The following USP15 variants were observed in gnomAD, a reference collection of about 807,000 sequenced individuals.
USP15 encodes ubiquitin carboxyl-terminal hydrolase 15.
A neutral mutation model predicts 127.1 loss-of-function variants in USP15; 18 were observed. That is an observed-to-expected ratio of 0.14 (90% CI 0.10 to 0.21). USP15 has a LOEUF of 0.21. Ranked by LOEUF, USP15 falls within the 10% of genes least tolerant of loss-of-function variation. USP15 has a pLI of 1.00. For missense variants in USP15, 805 were observed against 1,159.9 expected (o/e 0.69, Z 4.44); for synonymous variants, 364 against 393.7 (o/e 0.92, Z 0.89).
chr12:62,284,574 ATG>A (rs1565817081), intron 1 of USP15, among the ~76,000 whole-genome samples: 1 of 152,166 alleles, frequency 6.6e-6, no homozygotes, highest in Non-Finnish European at 1.5e-5. Flanking sequence ...AGTGCTATAT[ATG>A]GTAAGCATAG....
intron 8 of USP15, among the ~76,000 whole-genome samples, chr12:62,363,564 T>C (rs2137486543): frequency 6.6e-6 from 1 of 152,246 alleles, no homozygotes; most frequent in Non-Finnish European, 1.5e-5. Context: ...CTGTAAAAAA[T>C]AATGACTGCC....
chr12:62,288,321 T>G (rs2063842220), intron 1 of USP15, among the ~76,000 whole-genome samples: 1 of 150,112 alleles, frequency 6.7e-6, no homozygotes, highest in Admixed American at 6.7e-5. Context: ...CCTCCTTGAT[T>G]AGATGTGTTC....
At chr12:62,284,328 T>C (rs527962510) in intron 1 of USP15, among the ~76,000 whole-genome samples, 1 of 152,352 alleles carries the variant, frequency 6.6e-6, no homozygotes, top group East Asian at 1.9e-4. Flanking sequence ...AAATAGGATT[T>C]TCTTAAGACT....
intron 1 of USP15, among the ~76,000 whole-genome samples, chr12:62,292,397 C>T (rs926219001): frequency 4.6e-5 from 7 of 152,212 alleles, no homozygotes; most frequent in African/African-American, 1.4e-4. Context: ...TGGCAGGACC[C>T]CTGAAACTCT....
At chr12:62,293,056 C>T (rs759548484) in intron 1 of USP15, among the ~76,000 whole-genome samples, 1 of 152,120 alleles carries the variant, frequency 6.6e-6, no homozygotes, top group African/African-American at 2.4e-5. Flanking sequence ...GGTGAGCAAC[C>T]CAGCGTGAGC....
At position 62,294,189 on chromosome 12, in the gene USP15, G is replaced by T; in HGVS notation, c.100G>T (p.Asp34Tyr). Reference protein sequence around the residue: ...LRKGDTWYLVDSRWFKQWKKY... With the variant: ...LRKGDTWYLVYSRWFKQWKKY... ...TCTTTTATTTTTTAGGTACCTAGTC[G>T]ATAGTCGCTGGTTCAAACAGTGGAA... is the stretch of plus-strand genomic sequence containing the variant. The change falls in exon 2 of 22, where the codon GAT becomes TAT. Residue 34 changes from aspartate to tyrosine, a missense_variant. Transcript: ENST00000280377. 2 of 1,612,458 alleles carry T rather than the reference G, an allele frequency of 1.2e-6. No individual in the cohort carries two copies. The highest frequency in any genetic ancestry group is 8.5e-7 in the Non-Finnish European group (1 of 1,179,344).
At chr12:62,352,402 A>G (rs1267111926) in intron 7 of USP15, among the ~76,000 whole-genome samples, 10 of 151,982 alleles carry the variant, frequency 6.6e-5, no homozygotes, top group African/African-American at 1.2e-4. Flanking sequence ...ACATTTTTAA[A>G]TATCTGTCAG....
At chr12:62,272,375 A>G (rs2063362701) in intron 1 of USP15, among the ~76,000 whole-genome samples, 2 of 152,034 alleles carry the variant, frequency 1.3e-5, no homozygotes, top group African/African-American at 4.8e-5. Flanking sequence ...AAAAATAAAC[A>G]AGGTTATATT....
chr12:62,375,069 A>G (rs1489611810), intron 8 of USP15, among the ~76,000 whole-genome samples: 1 of 152,136 alleles, frequency 6.6e-6, no homozygotes, highest in Non-Finnish European at 1.5e-5. Context: ...GAACCATATC[A>G]CAGAGTGTCC....
intron 1 of USP15, among the ~76,000 whole-genome samples, chr12:62,272,082 A>G (rs1017340816): frequency 2.0e-5 from 3 of 151,772 alleles, no homozygotes; most frequent in Non-Finnish European, 4.4e-5. Context: ...TATCTGATTT[A>G]TAATAATTTA....
intron 6 of USP15, chr12:62,334,327 A>T (rs973123827): frequency 3.3e-5 from 5 of 152,206 alleles, no homozygotes; most frequent in African/African-American, 1.2e-4. Flanking sequence ...ATTGGCTGAA[A>T]AAATTATTGT....
intron 6 of USP15, among the ~76,000 whole-genome samples, chr12:62,345,004 C>A (rs1370978951): frequency 6.6e-6 from 1 of 152,218 alleles, no homozygotes; most frequent in African/African-American, 2.4e-5. Flanking sequence ...GCTGTGAAGA[C>A]CTCTGACATG....
intron 1 of USP15, among the ~76,000 whole-genome samples, chr12:62,289,803 T>G (rs1194004814): frequency 1.3e-5 from 2 of 151,822 alleles, no homozygotes; most frequent in East Asian, 3.9e-4. Flanking sequence ...TTTGGTATGT[T>G]GTATCTCCTT....
Position 62,381,478 on chromosome 12 carries a change from T to G in USP15, c.916-12T>G. 6.4e-7 allele frequency: 1 copy of G among 1,572,116 alleles called. No homozygotes were observed. Among genetic ancestry groups the G allele is most frequent in the African/African-American group, 1.4e-5 (1 of 73,018 alleles). Reference sequence around the variant, plus strand: ...ATTACTTTTACTTGAAAATATATTTTATTTTTTGCAGTGTTTGAGCAACAC... The same window carrying G: ...ATTACTTTTACTTGAAAATATATTTGATTTTTTGCAGTGTTTGAGCAACAC... On this transcript the variant is annotated splice_polypyrimidine_tract_variant and intron_variant, in intron 8 of 21. Transcript: ENST00000280377.
chr12:62,273,027 T>C (rs1470731906), intron 1 of USP15, among the ~76,000 whole-genome samples: 1 of 152,082 alleles, frequency 6.6e-6, no homozygotes, highest in African/African-American at 2.4e-5. Context: ...TTAAAGGCAC[T>C]ATTTAGTTCG....
chr12:62,391,148 T>C lies in USP15; in HGVS notation c.1961-9T>C. On this transcript the variant is annotated splice_polypyrimidine_tract_variant and intron_variant, in intron 15 of 21. Coordinates refer to ENST00000280377, the MANE Select transcript of USP15 (RefSeq NM_001252078.2). ...GGTTTATTTAAAGCTCTCTAATATC[T>C]AAAATTAGGTGAAATGGAAACAGAT... 2 of 1,603,204 alleles carry C rather than the reference T, an allele frequency of 1.2e-6. No individual in the cohort carries two copies. The highest frequency in any genetic ancestry group is 1.7e-6 in the Non-Finnish European group (2 of 1,177,444).
intron 6 of USP15, chr12:62,334,039 C>T (rs1175710361): frequency 6.6e-6 from 1 of 152,076 alleles, no homozygotes; most frequent in Non-Finnish European, 1.5e-5. Context: ...TTGCTTCAAA[C>T]TACTCCAGCA....
At chr12:62,275,078 A>G (rs1296354840) in intron 1 of USP15, among the ~76,000 whole-genome samples, 1 of 152,048 alleles carries the variant, frequency 6.6e-6, no homozygotes, top group Admixed American at 6.6e-5. Flanking sequence ...ATATAGGTTA[A>G]TATTCTGGTT....
intron 2 of USP15, among the ~76,000 whole-genome samples, chr12:62,301,125 T>C (rs2064305164): frequency 2.0e-5 from 3 of 152,074 alleles, no homozygotes; most frequent in Admixed American, 6.6e-5. Flanking sequence ...GCAAAAATGC[T>C]CAACATAATT....
Sources: gnomAD v4.1 joint callset for allele counts (sites outside exome capture counted in the v4.1 genomes callset) on GRCh38, gnomAD v4.1.1 for gene constraint, MANE v1.5 for transcripts, NCBI Gene and HGNC (gene_info 2026-07-23, HGNC 2026-07-21) for gene names.